Variants in CDCA7L observed in about 807,000 individuals in gnomAD.
CDCA7L encodes the protein cell division cycle-associated 7-like protein.
A neutral mutation model predicts 57.4 loss-of-function variants in CDCA7L; 44 were observed. That is an observed-to-expected ratio of 0.77 (90% CI 0.60 to 0.98). The LOEUF is 0.98. Ranked by LOEUF, CDCA7L falls within the 50% of genes least tolerant of loss-of-function variation. CDCA7L has a pLI of 0.00. For synonymous variants in CDCA7L, 236 were observed against 202.8 expected (o/e 1.16, Z -1.39); for missense variants, 644 against 580.6 (o/e 1.11, Z -1.12).
At chr7:21,944,082 C>A (rs955200495) in intron 1 of CDCA7L, among the ~76,000 whole-genome samples, 2 of 152,112 alleles carry the variant, frequency 1.3e-5, no homozygotes, top group African/African-American at 2.4e-5. Flanking sequence ...ACAAGGAGCT[C>A]AAATCTCCAT....
chr7:21,901,558 G>C lies in CDCA7L; in HGVS notation c.*764C>G. The C allele has an allele frequency of 4.8e-6, 1 of 208,960 alleles. No homozygotes were observed. The highest frequency in any genetic ancestry group is 9.4e-6 in the Non-Finnish European group (1 of 106,546). The allele number at this position is 208,960 out of a possible 1,614,324, so 12.9% of individuals were successfully genotyped here. ...CACTCCCTCCTGGGCAACAGAACAA[G>C]ACTCCATCTCAAAAAAAAAAAAGTA... On this transcript the variant is annotated 3_prime_UTR_variant, in exon 10 of 10. Transcript: ENST00000406877.
At chr7:21,937,667 T>C (rs892343023) in intron 1 of CDCA7L, among the ~76,000 whole-genome samples, 1 of 149,864 alleles carries the variant, frequency 6.7e-6, no homozygotes, top group African/African-American at 2.4e-5. Flanking sequence ...AAAAGAACAG[T>C]GTTAGAGGAC....
intron 1 of CDCA7L, chr7:21,940,237 G>GA (rs1786297397): frequency 3.8e-6 from 3 of 787,938 alleles, no homozygotes; most frequent in Non-Finnish European, 4.6e-6. Flanking sequence ...TCAGGGCCAG[G>GA]AAAGTGCAAC....
At chr7:21,942,016 C>T (rs1415542653) in intron 1 of CDCA7L, among the ~76,000 whole-genome samples, 1 of 152,154 alleles carries the variant, frequency 6.6e-6, no homozygotes, top group East Asian at 1.9e-4. Flanking sequence ...CAAGCATGGC[C>T]TTCTGGTAGA....
intron 3 of CDCA7L, among the ~76,000 whole-genome samples, chr7:21,909,109 T>C (rs562294065): frequency 1.3e-5 from 2 of 152,202 alleles, no homozygotes; most frequent in Non-Finnish European, 2.9e-5. Context: ...CTACAGGTTG[T>C]AGCAAAACAC....
At chr7:21,909,272 T>A (rs1785238675) in intron 3 of CDCA7L, among the ~76,000 whole-genome samples, 1 of 152,060 alleles carries the variant, frequency 6.6e-6, no homozygotes, top group Admixed American at 6.6e-5. Flanking sequence ...ACAGCTTGGA[T>A]GTGACGGGAC....
At chr7:21,913,289 C>G (rs140419794) in intron 2 of CDCA7L, among the ~76,000 whole-genome samples, 1 of 151,716 alleles carries the variant, frequency 6.6e-6, no homozygotes, top group Non-Finnish European at 1.5e-5. Flanking sequence ...TTGCTCAGAG[C>G]TGAATTACTT....
chr7:21,902,665 A>ATAATCTGTGTCTTTC (rs1222734796), intron 9 of CDCA7L: 5 of 495,296 alleles, frequency 1.0e-5, no homozygotes, highest in Non-Finnish European at 1.4e-5. Context: ...CTGCCTCTTC[A>ATAATCTGTGTCTTTC]TAATCTGTGT....
At position 21,902,096 on chromosome 7, in the gene CDCA7L, G is replaced by T; in HGVS notation, c.*226C>A. 1.9e-6 allele frequency: 1 copy of T among 537,500 alleles called. No homozygotes were observed. The allele number at this position is 537,500 out of a possible 1,614,324, so 33.3% of individuals were successfully genotyped here. A position where few individuals can be genotyped will look rare whatever the true frequency, so the allele number is the denominator to read the frequency against. The stretch of plus-strand genomic sequence containing the variant: ...TGGCAGATATTTTTAACAAAGTTCA[G>T]CATACAGACAGGTCTGTGCATACAT... On this transcript the variant is annotated 3_prime_UTR_variant, in exon 10 of 10. Coordinates refer to ENST00000406877, the MANE Select transcript of CDCA7L (RefSeq NM_018719.5).
chr7:21,903,221 T>G lies in CDCA7L; in HGVS notation c.1198-107A>C, dbSNP rs576022968. On this transcript the variant is annotated intron_variant, in intron 8 of 9. Coordinates refer to ENST00000406877, the MANE Select transcript of CDCA7L (RefSeq NM_018719.5). ...AGCTGGCCTCTCCTCCAACCTTTAA[T>G]CACATGGCATCTTTCAGTCTACGTC... 30 of 1,041,558 alleles carry G rather than the reference T, an allele frequency of 2.9e-5. No individual in the cohort carries two copies. In the South Asian group the frequency reaches 4.8e-4, roughly 17 times the overall value. The allele number at this position is 1,041,558 out of a possible 1,614,324, so 64.5% of individuals were successfully genotyped here. A position where few individuals can be genotyped will look rare whatever the true frequency, so the allele number is the denominator to read the frequency against.
At position 21,934,022 on chromosome 7, in the gene CDCA7L, G is replaced by A. The variant is rs568792525; in HGVS notation, c.24+11759C>T. ...AAAGCCAAGGGAATTCATTACTACT[G>A]GCATTTGCAACAGAAAATGCTGAAA... is the stretch of plus-strand genomic sequence containing the variant. On this transcript the variant is annotated intron_variant, in intron 1 of 9. Transcript: ENST00000406877. 3.1e-4 allele frequency among the ~76,000 whole-genome samples: 47 copies of A among 151,934 alleles called. 2 individuals are homozygous for A. The highest frequency in any genetic ancestry group is 8.7e-4 in the African/African-American group (36 of 41,438).
At chr7:21,938,805 G>A (rs574414073) in intron 1 of CDCA7L, among the ~76,000 whole-genome samples, 184 of 152,210 alleles carry the variant, frequency 1.2e-3, no homozygotes, top group African/African-American at 4.3e-3. Context: ...AGGAGTTCAA[G>A]ACCAACCTGG....
rs1320072390 is a variant in CDCA7L, at chr7:21,901,172, A to T, written c.*1150T>A. On this transcript the variant is annotated 3_prime_UTR_variant, in exon 10 of 10. Transcript: ENST00000406877. ...AGAACCAAACTGAGAGGCCCCAGCT[A>T]CATCTGGACCTTCAGGCTGAAGAGC... The T allele has an allele frequency of 3.1e-6, 5 of 1,611,360 alleles. No homozygotes were observed. In the East Asian group the frequency reaches 8.9e-5, roughly 29 times the overall value.
At position 21,902,203 on chromosome 7, in the gene CDCA7L, T is replaced by C; in HGVS notation, c.*119A>G. ...CAATCTTTAACAAAAAATAGTAATT[T>C]CTACAAAGAATTTCTGTATAAAAAC... On this transcript the variant is annotated 3_prime_UTR_variant, in exon 10 of 10. Transcript: ENST00000406877. 1 of 978,674 alleles carries C rather than the reference T, an allele frequency of 1.0e-6. No homozygotes were observed. Among genetic ancestry groups the C allele is most frequent in the Non-Finnish European group, 1.6e-6 (1 of 617,536 alleles). 60.6% of individuals were successfully genotyped at this position (978,674 alleles called of 1,614,324 possible).
chr7:21,923,913 G>A (rs1266560022), intron 1 of CDCA7L, among the ~76,000 whole-genome samples: 1 of 152,168 alleles, frequency 6.6e-6, no homozygotes, highest in Non-Finnish European at 1.5e-5. Context: ...GTGCTCTGGA[G>A]GTCTCCATAC....
In CDCA7L at chr7:21,903,787, AAAAAC is replaced by A. The variant is rs551024473; in HGVS notation, c.1197+318_1197+322del. The A allele has an allele frequency of 7.9e-4, 175 of 220,940 alleles. 1 individual carries two copies. Among genetic ancestry groups the A allele is most frequent in the African/African-American group, 3.9e-3 (170 of 44,040 alleles). 13.7% of individuals were successfully genotyped at this position (220,940 alleles called of 1,614,324 possible). A position where few individuals can be genotyped will look rare whatever the true frequency, so the allele number is the denominator to read the frequency against. ...CACCTCCCTCTCAGCCTGGCCCAGG[AAAAAC>A]AAAACAAATCAGAGGGAAATCACTT... On this transcript the variant is annotated intron_variant, in intron 8 of 9. Transcript: ENST00000406877.
intron 3 of CDCA7L, among the ~76,000 whole-genome samples, chr7:21,911,245 G>C (rs551336408): frequency 4.0e-5 from 6 of 151,804 alleles, no homozygotes; most frequent in African/African-American, 1.4e-4. Flanking sequence ...GGTGAGGCTG[G>C]TCTTGAACTC....
intron 1 of CDCA7L, among the ~76,000 whole-genome samples, chr7:21,919,223 C>T (rs1785582747): frequency 6.6e-6 from 1 of 152,074 alleles, no homozygotes; most frequent in Non-Finnish European, 1.5e-5. Context: ...CTCACTCTCC[C>T]CCTTTTCTTC....
chr7:21,908,065 G>C (rs1785194890), intron 4 of CDCA7L, 65 bp downstream of exon 4: 9 of 1,482,736 alleles, frequency 6.1e-6, no homozygotes, highest in Non-Finnish European at 8.0e-6. Flanking sequence ...AAGTGGTTCT[G>C]GGAGCCCAGC....
Sources: allele counts gnomAD v4.1 joint callset (sites outside exome capture counted in the v4.1 genomes callset), GRCh38; gene constraint gnomAD v4.1.1; transcripts MANE v1.5; gene names NCBI Gene and HGNC (gene_info 2026-07-23, HGNC 2026-07-21).